COL4A5: variants seen among roughly 807,000 people sequenced by gnomAD.
The protein encoded by COL4A5 is collagen alpha-5(IV) chain.
A neutral mutation model predicts 130.2 loss-of-function variants in COL4A5; 26 were observed. The observed-to-expected ratio is 0.20, with a 90% confidence interval of 0.15 to 0.28. The LOEUF (loss-of-function observed/expected upper bound fraction) is 0.28. Among genes scored for constraint, COL4A5 ranks in the 10% least tolerant of loss-of-function variants. The pLI, the probability that COL4A5 is intolerant of heterozygous loss-of-function variation, is 1.00. For synonymous variants in COL4A5, 496 were observed against 439.6 expected, an observed-to-expected ratio of 1.13 and a Z score of -1.60; for missense variants, 1,131 against 1,344.3, an observed-to-expected ratio of 0.84 and a Z score of 2.48.
chrX:108,526,660 C>CT lies in COL4A5; in HGVS notation c.82-13084dup, dbSNP rs776259186. On this transcript the variant is annotated intron_variant, in intron 1 of 52. Transcript: ENST00000328300. ...TCTTTCTTTCTTTCTTTCTTTCTTT[C>CT]TTCTTTCTTTCTCTTTCTTTCTTTC... Among the ~76,000 whole-genome samples the CT allele has an allele frequency of 6.5e-3, 251 of 38,649 alleles. 2 individuals carry two copies. Among genetic ancestry groups the CT allele is most frequent in the African/African-American group, 0.023 (177 of 7,580 alleles). The allele number at this position is 38,649 out of a possible 115,157, so 33.6% of individuals were successfully genotyped here.
At chrX:108,543,450 G>C (rs1483606569) in intron 2 of COL4A5, among the ~76,000 whole-genome samples, 1 of 111,344 alleles carries the variant, frequency 9.0e-6, no homozygotes, top group African/African-American at 3.3e-5. Flanking sequence ...GGGCTCTGCT[G>C]TGTTCCATTT....
At chrX:108,553,249 A>G (rs770089199) in intron 2 of COL4A5, among the ~76,000 whole-genome samples, 1 of 111,990 alleles carries the variant, frequency 8.9e-6, no homozygotes, top group African/African-American at 3.2e-5. Context: ...TTTCCTCAAA[A>G]GTAATAACTT....
At chrX:108,625,474 T>G (rs964351996) in intron 34 of COL4A5, among the ~76,000 whole-genome samples, 1 of 112,103 alleles carries the variant, frequency 8.9e-6, no homozygotes, top group African/African-American at 3.2e-5. Flanking sequence ...TTCTGGTAAC[T>G]TTTTAATTTT....
chrX:108,656,089 C>A (rs1333532399), intron 37 of COL4A5, among the ~76,000 whole-genome samples: 4 of 111,983 alleles, frequency 3.6e-5, no homozygotes, highest in Non-Finnish European at 5.6e-5. Flanking sequence ...TACCTAAGTA[C>A]ATATATGTCT....
intron 6 of COL4A5, among the ~76,000 whole-genome samples, chrX:108,571,072 A>G (rs887216690): frequency 8.9e-6 from 1 of 112,269 alleles, no homozygotes; most frequent in Non-Finnish European, 1.9e-5. Context: ...AAGAATCTAT[A>G]TAACACATGG....
At position 108,697,007 on chromosome X, in the gene COL4A5, C is replaced by T. The variant is rs2068746398; in HGVS notation, c.*629C>T. ...GGACTTATATTCCTACATCAAGTTA[C>T]TACTGAGAGTAAATTTATTTTGAGT... On this transcript the variant is annotated 3_prime_UTR_variant, in exon 53 of 53. Transcript: ENST00000328300. The T allele has an allele frequency of 9.0e-6, 1 of 111,589 alleles. No homozygotes were observed. The highest frequency in any genetic ancestry group is 3.7e-4 in the South Asian group (1 of 2,700). 9.2% of individuals were successfully genotyped at this position (111,589 alleles called of 1,213,427 possible).
At chrX:108,634,025 A>T (rs1325969692) in intron 36 of COL4A5, among the ~76,000 whole-genome samples, 1 of 111,262 alleles carries the variant, frequency 9.0e-6, no homozygotes, top group Non-Finnish European at 1.9e-5. Flanking sequence ...CATTACAATC[A>T]GTGGACAGTA....
chrX:108,652,327 G>A (rs1380441745), intron 36 of COL4A5, among the ~76,000 whole-genome samples: 1 of 112,245 alleles, frequency 8.9e-6, no homozygotes, highest in Non-Finnish European at 1.9e-5. Flanking sequence ...CCTATTTATG[G>A]TTTTGTTCAT....
At chrX:108,572,404 C>T (rs1345496757) in intron 8 of COL4A5, among the ~76,000 whole-genome samples, 3 of 111,521 alleles carry the variant, frequency 2.7e-5, no homozygotes, top group Non-Finnish European at 5.7e-5. Flanking sequence ...CAAGTTAATC[C>T]ACCCACAAAA....
chrX:108,673,348 A>G (rs1407508271), intron 42 of COL4A5, among the ~76,000 whole-genome samples: 2 of 112,024 alleles, frequency 1.8e-5, no homozygotes, highest in Non-Finnish European at 3.8e-5. Context: ...CCTAGGATTC[A>G]TTGCTCTAGC....
intron 3 of COL4A5, among the ~76,000 whole-genome samples, chrX:108,559,964 A>G (rs902174653): frequency 5.4e-5 from 6 of 111,179 alleles, no homozygotes; most frequent in African/African-American, 2.0e-4. Flanking sequence ...TTGGACCCGA[A>G]CAGTCATAGG....
intron 1 of COL4A5, among the ~76,000 whole-genome samples, chrX:108,510,977 T>C (rs1404726286): frequency 8.9e-6 from 1 of 111,753 alleles, no homozygotes; most frequent in Non-Finnish European, 1.9e-5. Flanking sequence ...TATTTCTTCA[T>C]GTGGTGAATA....
chrX:108,599,571 A>G (rs1403192319), intron 25 of COL4A5, among the ~76,000 whole-genome samples: 1 of 111,509 alleles, frequency 9.0e-6, no homozygotes, highest in Non-Finnish European at 1.9e-5. Flanking sequence ...ACAGTCATAT[A>G]GATAGATAGC....
intron 52 of COL4A5, chrX:108,696,061 A>G (rs2068727144): frequency 2.8e-6 from 1 of 361,165 alleles, no homozygotes; most frequent in African/African-American, 2.6e-5. Flanking sequence ...TGAGAGGGAA[A>G]CACAAATATA....
chrX:108,571,706 C>A, intron 7 of COL4A5, 105 bp from the exon 8 acceptor site: 1 of 626,802 alleles, frequency 1.6e-6, no homozygotes, highest in Non-Finnish European at 2.6e-6. Context: ...TCAGAAATGA[C>A]GCTACAGCAG....
In COL4A5 at chrX:108,582,865, T is replaced by C. The variant is rs775875497; in HGVS notation, c.937-19T>C. ...ACCATCATTTGTGCTGATGTCACCC[T>C]ATCCTCTATGTTTTAAAGGGTTTGC... is the stretch of plus-strand genomic sequence containing the variant. On this transcript the variant is annotated intron_variant, in intron 16 of 52. Transcript: ENST00000328300. 1 of 1,181,451 alleles carries C rather than the reference T, an allele frequency of 8.5e-7. No homozygotes were observed. The highest frequency in any genetic ancestry group is 1.2e-6 in the Non-Finnish European group (1 of 868,241).
chrX:108,682,731 A>G (rs935853305), intron 47 of COL4A5, among the ~76,000 whole-genome samples: 5 of 110,829 alleles, frequency 4.5e-5, no homozygotes, highest in African/African-American at 1.6e-4. Context: ...CCACTTTTTG[A>G]TGGGATTGTG....
chrX:108,581,118 T>A lies in COL4A5; in HGVS notation c.936+91T>A, dbSNP rs2066241403. The A allele has an allele frequency of 3.5e-5, 26 of 739,885 alleles. No individual in the cohort carries two copies. In the South Asian group the frequency reaches 5.7e-4, roughly 16 times the overall value. 61.0% of individuals were successfully genotyped at this position (739,885 alleles called of 1,213,427 possible). On this transcript the variant is annotated intron_variant, in intron 16 of 52. Coordinates refer to ENST00000328300, the MANE Select transcript of COL4A5 (RefSeq NM_033380.3). Reference sequence around the variant, plus strand: ...TGGCAGAGAAGCAGTATGACAAAAATTGTGGGGTCTGGAAATAGTTTAAAT... The same window carrying A: ...TGGCAGAGAAGCAGTATGACAAAAAATGTGGGGTCTGGAAATAGTTTAAAT...
chrX:108,646,966 C>G (rs1002717549), intron 36 of COL4A5, among the ~76,000 whole-genome samples: 1 of 110,182 alleles, frequency 9.1e-6, no homozygotes, highest in African/African-American at 3.4e-5. Flanking sequence ...CAGTACCATG[C>G]TGTTTTGGTG....
Sources: allele counts gnomAD v4.1 joint callset (sites outside exome capture counted in the v4.1 genomes callset), GRCh38; gene constraint gnomAD v4.1.1; transcripts MANE v1.5; gene names NCBI Gene and HGNC (gene_info 2026-07-23, HGNC 2026-07-21).